DEPDC5: variants seen among roughly 807,000 people sequenced by gnomAD.
The protein encoded by DEPDC5 is DEP domain containing 5, GATOR1 subcomplex subunit, also known as GATOR1 complex protein DEPDC5.
Under a neutral mutation model 217.3 loss-of-function variants are expected in DEPDC5, and 73 were observed. That is an observed-to-expected ratio of 0.34 (90% CI 0.28 to 0.41). DEPDC5 has a LOEUF of 0.41. DEPDC5 is among the 10% of genes least tolerant of loss of function. The pLI is 1.00. For synonymous variants in DEPDC5, 733 were observed against 756.7 expected, an observed-to-expected ratio of 0.97 and a Z score of 0.51; for missense variants, 1,675 against 2,070.1, an observed-to-expected ratio of 0.81 and a Z score of 3.70.
At chr22:31,862,942 C>A (rs140712111) in intron 33 of DEPDC5, among the ~76,000 whole-genome samples, 1 of 152,170 alleles carries the variant, frequency 6.6e-6, no homozygotes, top group African/African-American at 2.4e-5. Context: ...GTATCTTACT[C>A]GGTTGTCCAG....
At chr22:31,843,889 C>T in intron 29 of DEPDC5, 77 bp downstream of exon 29, 1 of 1,408,998 alleles carries the variant, frequency 7.1e-7, no homozygotes, top group Non-Finnish European at 9.5e-7. Context: ...CACTTTCTGC[C>T]CTTTCTCTCT....
rs186188165 is a variant in DEPDC5 at position 31,834,607 on chromosome 22, C to T, written c.2170+627C>T. On this transcript the variant is annotated intron_variant, in intron 25 of 42. Coordinates refer to ENST00000651528, the MANE Select transcript of DEPDC5 (RefSeq NM_001242896.3). ...TCTCGGCTCACTGCCACCTCTGCCT[C>T]CCAGGTTCAAGTGATTCTTCTGCCT... Among the ~76,000 whole-genome samples, 1,283 of 151,720 alleles carry T rather than the reference C, an allele frequency of 8.5e-3. 8 individuals carry two copies. Among genetic ancestry groups the T allele is most frequent in the South Asian group, 0.014 (65 of 4,800 alleles).
rs2093124653 is a variant in DEPDC5 at position 31,879,769 on chromosome 22, G to A, written c.4033+17G>A. On this transcript the variant is annotated intron_variant, in intron 38 of 42. Transcript: ENST00000651528. ...CACTTTTAGGTACATGCTCAACCCA[G>A]ACAAGGTCTGAGGGTGTGCCAGTGG... The A allele has an allele frequency of 3.1e-6, 5 of 1,606,082 alleles. No individual in the cohort carries two copies. The East Asian group carries it at 1.1e-4, about 36-fold the overall frequency.
At chr22:31,835,070 T>C (rs1027170050) in intron 25 of DEPDC5, among the ~76,000 whole-genome samples, 12 of 152,306 alleles carry the variant, frequency 7.9e-5, no homozygotes, top group Non-Finnish European at 1.8e-4. Context: ...AGGTGGGTGC[T>C]TCACTTGAGC....
chr22:31,758,305 G>T (rs1007866381), intron 2 of DEPDC5, among the ~76,000 whole-genome samples: 2 of 152,286 alleles, frequency 1.3e-5, no homozygotes, highest in African/African-American at 2.4e-5. Context: ...AAGCAGTGCG[G>T]TAGTAGAAAG....
intron 9 of DEPDC5, 179 bp from the exon 10 acceptor site, chr22:31,784,635 A>G: frequency 2.0e-6 from 1 of 497,186 alleles, no homozygotes; most frequent in Admixed American, 3.8e-5. Context: ...AAAAAAAAAA[A>G]AGATGTACAA....
chr22:31,822,889 G>A (rs2089833284), intron 24 of DEPDC5, 99 bp downstream of exon 24: 1 of 1,234,386 alleles, frequency 8.1e-7, no homozygotes, highest in Non-Finnish European at 1.2e-6. Context: ...TCTATTTTGA[G>A]ATCATTTCAG....
chr22:31,845,167 A>C lies in DEPDC5; in HGVS notation c.2951A>C (p.Asp984Ala). 2 of 1,614,078 alleles carry C rather than the reference A, an allele frequency of 1.2e-6. No individual in the cohort carries two copies. The change falls in exon 30 of 43, where the codon GAT becomes GCT. Residue 984 changes from aspartate (D) to alanine (A), a missense_variant. Coordinates refer to ENST00000651528, the MANE Select transcript of DEPDC5 (RefSeq NM_001242896.3). ...RADEDEWQLLDGFVRFVEGLN... is the reference protein window; with the variant it reads ...RADEDEWQLLAGFVRFVEGLN... ...GACGAGGACGAGTGGCAACTCCTGG[A>C]TGGTTTTGTCCGCTTTGTGGAGGGC...
In DEPDC5 at chr22:31,806,240, T is replaced by G. The variant is rs756165300; in HGVS notation, c.1287+49T>G. The G allele has an allele frequency of 3.0e-5, 45 of 1,522,382 alleles. 1 individual carries two copies. The highest frequency in any genetic ancestry group is 8.3e-5 in the African/African-American group (6 of 72,660). 94.3% of individuals were successfully genotyped at this position (1,522,382 alleles called of 1,614,324 possible). ...CGGGGTCTTATTATGTGGTCCAGTC[T>G]TATCTTGAGCTCCTGGACTCAATCA... On this transcript the variant is annotated intron_variant, in intron 18 of 42. Transcript: ENST00000651528.
chr22:31,896,986 G>A (rs2149394726), intron 39 of DEPDC5, among the ~76,000 whole-genome samples: 1 of 152,194 alleles, frequency 6.6e-6, no homozygotes, highest in Non-Finnish European at 1.5e-5. Context: ...ATGTGGTAGT[G>A]CACGCCTGTA....
At chr22:31,864,523 TATTTATA>T (rs1380134821) in intron 33 of DEPDC5, among the ~76,000 whole-genome samples, 11 of 133,478 alleles carry the variant, frequency 8.2e-5, no homozygotes, top group African/African-American at 2.9e-4. Flanking sequence ...TATATATATA[TATTTATA>T]TATTTATTTA....
rs1037878155 is a variant in DEPDC5, at chr22:31,802,767, C to T, written c.1010C>T (p.Thr337Met). The change falls in exon 15 of 43, where the codon ACG (threonine) becomes ATG (methionine). Residue 337 changes from threonine (T) to methionine (M), a missense_variant. Around this residue, in one of 11 missense-constraint regions of DEPDC5, gnomAD observed 628 missense variants for 762.1 expected, o/e 0.82. Coordinates refer to ENST00000651528, the MANE Select transcript of DEPDC5 (RefSeq NM_001242896.3). ...ACTGGGCAGATGTCAGTGGTGATCA[C>T]GCCCGGGGTGGGTGTCTTTGAAGTG... ...DRTGQMSVVI[T>M]PGVGVFEVDR... 7.5e-6 allele frequency: 12 copies of T among 1,606,372 alleles called. No individual in the cohort carries two copies. Among genetic ancestry groups the T allele is most frequent in the South Asian group, 1.1e-5 (1 of 89,288 alleles).
chr22:31,860,670 A>G (rs1306480823), intron 32 of DEPDC5, among the ~76,000 whole-genome samples: 1 of 152,072 alleles, frequency 6.6e-6, no homozygotes, highest in Non-Finnish European at 1.5e-5. Context: ...TGTATCTGAC[A>G]TTATATATGT....
intron 12 of DEPDC5, among the ~76,000 whole-genome samples, chr22:31,793,685 T>G (rs1332192034): frequency 6.6e-6 from 1 of 152,126 alleles, no homozygotes; most frequent in African/African-American, 2.4e-5. Flanking sequence ...TTCTCGTTTC[T>G]CAGCCTCCCG....
intron 33 of DEPDC5, among the ~76,000 whole-genome samples, chr22:31,869,960 G>A (rs906183955): frequency 3.9e-5 from 6 of 152,168 alleles, no homozygotes; most frequent in Admixed American, 3.3e-4. Context: ...GGAAGTACAG[G>A]CATGATTTAG....
At chr22:31,865,014 C>T (rs1185285454) in intron 33 of DEPDC5, among the ~76,000 whole-genome samples, 7 of 138,458 alleles carry the variant, frequency 5.1e-5, no homozygotes, top group African/African-American at 1.4e-4. Flanking sequence ...TTAGTAGAGA[C>T]GGGGTTTTGC....
intron 5 of DEPDC5, 92 bp downstream of exon 5, chr22:31,765,152 T>C: frequency 2.0e-6 from 2 of 1,011,950 alleles, no homozygotes; most frequent in Non-Finnish European, 3.1e-6. Context: ...TACTTAAGTG[T>C]AGTGTTAGCC....
intron 36 of DEPDC5, chr22:31,875,249 C>T (rs1297308797): frequency 1.2e-5 from 2 of 167,072 alleles, no homozygotes; most frequent in African/African-American, 4.8e-5. Context: ...TCTCGTCTCC[C>T]TGAGAATACG....
At chr22:31,770,148 C>T (rs532136659) in intron 7 of DEPDC5, among the ~76,000 whole-genome samples, 2 of 150,330 alleles carry the variant, frequency 1.3e-5, no homozygotes, top group African/African-American at 2.4e-5. Context: ...GTGGGAGGAT[C>T]GCCTGAGCCC....
Sources: gnomAD v4.1 joint callset for allele counts (sites outside exome capture counted in the v4.1 genomes callset) on GRCh38, gnomAD v4.1.1 for gene constraint, gnomAD v4.1.1 regional missense constraint, MANE v1.5 for transcripts, NCBI Gene and HGNC (gene_info 2026-07-23, HGNC 2026-07-21) for gene names.